The following CFAP58 variants were observed in gnomAD, a reference collection of about 807,000 sequenced individuals.
CFAP58 encodes the protein cilia- and flagella-associated protein 58.
A neutral mutation model predicts 119.5 loss-of-function variants in CFAP58; 88 were observed. That is an observed-to-expected ratio of 0.74 (90% CI 0.62 to 0.88). The LOEUF is 0.88. CFAP58 is among the 40% of genes least tolerant of loss of function. CFAP58 has a pLI of 0.00. For missense variants in CFAP58, 990 were observed against 1,021.2 expected, an observed-to-expected ratio of 0.97 and a Z score of 0.42; for synonymous variants, 365 against 366.3, an observed-to-expected ratio of 1.00 and a Z score of 0.04.
At chr10:104,451,953 G>A (rs1564909115) in intron 17 of CFAP58, among the ~76,000 whole-genome samples, 1 of 150,938 alleles carries the variant, frequency 6.6e-6, no homozygotes, top group Non-Finnish European at 1.5e-5. Context: ...TGGCCAGGCT[G>A]GTCTCGAATT....
intron 15 of CFAP58, among the ~76,000 whole-genome samples, chr10:104,420,750 GAT>G (rs1491338708): frequency 7.3e-6 from 1 of 137,362 alleles, no homozygotes; most frequent in Admixed American, 7.3e-5. Flanking sequence ...TTTTATATTT[GAT>G]TTTTTTTTTT....
At chr10:104,345,348 T>C in the CFAP58 span, among the ~76,000 whole-genome samples, 1 of 152,054 alleles carries the variant, frequency 6.6e-6, no homozygotes, top group East Asian at 1.9e-4. Flanking sequence ...TAAGTGCATT[T>C]TATTGTAATC....
At chr10:104,434,350 ATGT>A (rs2012896606) in intron 15 of CFAP58, among the ~76,000 whole-genome samples, 1 of 152,012 alleles carries the variant, frequency 6.6e-6, no homozygotes, top group East Asian at 1.9e-4. Context: ...CCTCAGTGGC[ATGT>A]TGTTGAGAGG....
chr10:104,428,894 T>A (rs2012797020), intron 15 of CFAP58, among the ~76,000 whole-genome samples: 1 of 152,144 alleles, frequency 6.6e-6, no homozygotes, highest in African/African-American at 2.4e-5. Flanking sequence ...CGAGCAAGTA[T>A]GTTGGAGGTG....
chr10:104,380,189 A>T lies in CFAP58; in HGVS notation c.1334A>T (p.Tyr445Phe). ...IFHLEKERDR[Y>F]INQASDLTQK... ...CATCTGGAAAAGGAGCGTGACCGGT[A>T]CATCAACCAAGCCAGTGACCTTACG... Residue 445 changes from tyrosine to phenylalanine, a missense_variant, in exon 9 of 18, where the codon TAC becomes TTC. By Grantham distance (22) the Tyr-to-Phe change is conservative (BLOSUM62 3). Transcript: ENST00000369704. 6.2e-7 allele frequency: 1 copy of T among 1,614,046 alleles called. No homozygotes were observed.
intron 7 of CFAP58, among the ~76,000 whole-genome samples, chr10:104,372,889 A>ATG (rs774853723): frequency 3.9e-5 from 6 of 152,144 alleles, no homozygotes; most frequent in Non-Finnish European, 7.4e-5. Flanking sequence ...CGTCCTTTTG[A>ATG]TGTGTTCAAC....
At chr10:104,425,984 G>C (rs976244237) in intron 15 of CFAP58, among the ~76,000 whole-genome samples, 6 of 152,180 alleles carry the variant, frequency 3.9e-5, no homozygotes, top group African/African-American at 1.2e-4. Flanking sequence ...TATAATCCCA[G>C]CACTTTGGGA....
chr10:104,452,173 C>T (rs2013207436), intron 17 of CFAP58, among the ~76,000 whole-genome samples: 1 of 151,662 alleles, frequency 6.6e-6, no homozygotes, highest in Admixed American at 6.6e-5. Flanking sequence ...ATACCATTGC[C>T]AGTTTGTAAC....
At chr10:104,346,446 C>T in the CFAP58 span, among the ~76,000 whole-genome samples, 48 of 152,020 alleles carry the variant, frequency 3.2e-4, 1 homozygote, top group African/African-American at 1.1e-3. Flanking sequence ...CTCCTGGGCT[C>T]CAGTGATCCT....
intron 15 of CFAP58, among the ~76,000 whole-genome samples, chr10:104,423,342 TTTAAAAA>T (rs2012690907): frequency 6.6e-6 from 1 of 152,220 alleles, no homozygotes; most frequent in South Asian, 2.1e-4. Context: ...AAATTAGTCT[TTTAAAAA>T]TGTAACATTT....
chr10:104,439,925 T>G (rs2013008833), intron 15 of CFAP58, among the ~76,000 whole-genome samples: 1 of 152,188 alleles, frequency 6.6e-6, no homozygotes, highest in Admixed American at 6.5e-5. Context: ...GTTCACGCCA[T>G]TCTCCTGCTT....
intron 8 of CFAP58, among the ~76,000 whole-genome samples, chr10:104,379,532 T>C (rs2011738398): frequency 6.6e-6 from 1 of 152,232 alleles, no homozygotes; most frequent in Non-Finnish European, 1.5e-5. Context: ...AATTATTGGG[T>C]CATGTGTTAA....
intron 15 of CFAP58, among the ~76,000 whole-genome samples, chr10:104,415,990 T>G (rs1485390074): frequency 6.6e-6 from 1 of 152,056 alleles, no homozygotes; most frequent in African/African-American, 2.4e-5. Context: ...TGGTGGTGAG[T>G]ACACAATGAC....
intron 15 of CFAP58, among the ~76,000 whole-genome samples, chr10:104,441,750 G>A (rs184769709): frequency 3.3e-5 from 5 of 152,218 alleles, no homozygotes; most frequent in Admixed American, 1.3e-4. Flanking sequence ...CTGTGTAACC[G>A]ACTAGTTCCC....
intron 3 of CFAP58, 45 bp from the exon 4 acceptor site, chr10:104,364,688 G>A (rs2014718335): frequency 1.3e-6 from 2 of 1,598,052 alleles, no homozygotes; most frequent in African/African-American, 1.4e-5. Context: ...AAGGACCCCT[G>A]AGCAGATGGC....
At chr10:104,343,229 C>T in the CFAP58 span, among the ~76,000 whole-genome samples, 5 of 152,194 alleles carry the variant, frequency 3.3e-5, 1 homozygote, top group South Asian at 6.2e-4. Context: ...TTGAACAAGA[C>T]GAATGATTTG....
intron 15 of CFAP58, among the ~76,000 whole-genome samples, chr10:104,418,800 T>C (rs1343803881): frequency 6.6e-6 from 1 of 152,212 alleles, no homozygotes; most frequent in Non-Finnish European, 1.5e-5. Flanking sequence ...TCTTGCCTGC[T>C]TTATTAGTGG....
At chr10:104,433,663 C>CT (rs143238427) in intron 15 of CFAP58, among the ~76,000 whole-genome samples, 1,774 of 152,310 alleles carry the variant, frequency 0.012, 32 homozygotes, top group African/African-American at 0.039. Flanking sequence ...CCAGCTATTG[C>CT]TGGGAGGCTT....
At chr10:104,448,247 CAGA>C (rs1280486454) in intron 16 of CFAP58, among the ~76,000 whole-genome samples, 7 of 152,236 alleles carry the variant, frequency 4.6e-5, no homozygotes, top group Admixed American at 2.0e-4. Context: ...TAAACATACA[CAGA>C]AGAAGTCCAG....
Sources: gnomAD v4.1 joint callset for allele counts (sites outside exome capture counted in the v4.1 genomes callset) on GRCh38, gnomAD v4.1.1 for gene constraint, MANE v1.5 for transcripts, NCBI Gene and HGNC (gene_info 2026-07-23, HGNC 2026-07-21) for gene names.